PCDHGA12: variants seen among roughly 807,000 people sequenced by gnomAD.
The protein encoded by PCDHGA12 is protocadherin gamma subfamily A, 12.
A neutral mutation model predicts 61.1 loss-of-function variants in PCDHGA12; 43 were observed. The observed-to-expected ratio is 0.70, with a 90% CI of 0.55 to 0.91. The LOEUF (loss-of-function observed/expected upper bound fraction) is 0.91, where lower values mean the gene tolerates loss of function less well. Ranked by LOEUF, PCDHGA12 falls within the 40% of genes least tolerant of loss-of-function variation. The probability of loss-of-function intolerance (pLI) is 0.00; values close to 1 mark genes in which losing one functional copy is unlikely to be tolerated. For missense variants in PCDHGA12, 1,236 were observed against 1,227.7 expected, an observed-to-expected ratio of 1.01 and a Z score of -0.10; for synonymous variants, 520 against 542.9, an observed-to-expected ratio of 0.96 and a Z score of 0.59.
Position 141,486,567 on chromosome 5 carries a change from C to T in PCDHGA12, c.2425-8240C>T, listed in dbSNP as rs1562113360. On this transcript the variant is annotated intron_variant, in intron 1 of 3. Transcript: ENST00000252085. The surrounding 1 kb of genome is among the most constrained non-coding windows in gnomAD (Gnocchi z 5.0). ...CAGAGGTCACATGAGGTGTTTGTTCCTGAGAACAATCGCCCAGGGGACCTG... is the reference window on the plus strand; with the variant it reads ...CAGAGGTCACATGAGGTGTTTGTTCTTGAGAACAATCGCCCAGGGGACCTG... The T allele has an allele frequency of 6.2e-7, 1 of 1,613,918 alleles. No homozygotes were observed. The highest frequency in any genetic ancestry group is 8.5e-7 in the Non-Finnish European group (1 of 1,179,986).
In PCDHGA12 at chr5:141,491,561, A is replaced by G. The variant is rs1289732955; in HGVS notation, c.2425-3246A>G. ...CCCACAGACTCGCAGAGCCACTGCT[A>G]CAGGACGTGCTTTTCACCGGCCTCG... On this transcript the variant is annotated intron_variant, in intron 1 of 3. Transcript: ENST00000252085. The surrounding 1 kb of genome is among the most constrained non-coding windows in gnomAD (Gnocchi z 6.9). The G allele has an allele frequency of 6.2e-7, 1 of 1,613,938 alleles. No homozygotes were observed. Among genetic ancestry groups the G allele is most frequent in the Non-Finnish European group, 8.5e-7 (1 of 1,180,018 alleles).
intron 1 of PCDHGA12, among the ~76,000 whole-genome samples, chr5:141,445,778 T>G (rs1045010487): frequency 6.6e-6 from 1 of 152,190 alleles, no homozygotes; most frequent in East Asian, 1.9e-4. Context: ...TTAAAAGGGC[T>G]AGGGAGGCTA....
At position 141,490,938 on chromosome 5, in the gene PCDHGA12, C is replaced by T. The variant is rs2099706179; in HGVS notation, c.2425-3869C>T. ...ATGATAATGCCCCAGCTGTGCTGCA[C>T]CCACGGCCAGACTGGGAACACTCAG... On this transcript the variant is annotated intron_variant, in intron 1 of 3. Coordinates refer to ENST00000252085, the MANE Select transcript of PCDHGA12 (RefSeq NM_003735.3). This position sits in a 1 kb window ranked among gnomAD's most constrained non-coding sequence, Gnocchi z 5.4. 6.2e-7 allele frequency: 1 copy of T among 1,613,554 alleles called. No homozygotes were observed. Among genetic ancestry groups the T allele is most frequent in the African/African-American group, 1.3e-5 (1 of 74,934 alleles).
chr5:141,475,384 A>T (rs2099362853), intron 1 of PCDHGA12, among the ~76,000 whole-genome samples: 1 of 152,370 alleles, frequency 6.6e-6, no homozygotes, highest in East Asian at 1.9e-4. Flanking sequence ...TTTAAATTTT[A>T]TAAGCCAGAG....
At chr5:141,503,335 G>A (rs111643076) in intron 2 of PCDHGA12, among the ~76,000 whole-genome samples, 108 of 152,220 alleles carry the variant, frequency 7.1e-4, no homozygotes, top group African/African-American at 2.4e-3. Context: ...GGTGGCTCAC[G>A]CCTGTAATTC....
At chr5:141,448,999 GT>G (rs910018882) in intron 1 of PCDHGA12, among the ~76,000 whole-genome samples, 2 of 151,816 alleles carry the variant, frequency 1.3e-5, no homozygotes, top group African/African-American at 4.8e-5. Context: ...ATAGAAAGCT[GT>G]TTTTTTTAAC....
In PCDHGA12 at chr5:141,432,872, C is replaced by G; in HGVS notation, c.2113C>G (p.Leu705Val). 4 of 1,614,192 alleles carry G rather than the reference C, an allele frequency of 2.5e-6. No individual in the cohort carries two copies. The highest frequency in any genetic ancestry group is 3.4e-6 in the Non-Finnish European group (4 of 1,180,018). The part of the protein sequence containing the change: ...VAVAAVSCVF[L>V]AFVILLLALR... ...GGTGGCCGCGGTCTCCTGCGTCTTCCTGGCCTTCGTCATCTTGCTGCTGGC... is the reference window on the plus strand; with the variant it reads ...GGTGGCCGCGGTCTCCTGCGTCTTCGTGGCCTTCGTCATCTTGCTGCTGGC... Residue 705 changes from leucine to valine, a missense_variant, in exon 1 of 4, where the codon CTG becomes GTG. Coordinates refer to ENST00000252085, the MANE Select transcript of PCDHGA12 (RefSeq NM_003735.3). The surrounding 1 kb of genome is among the most constrained non-coding windows in gnomAD (Gnocchi z 6.0).
At chr5:141,478,924 T>C (rs1213046748) in intron 1 of PCDHGA12, 10 of 704,004 alleles carry the variant, frequency 1.4e-5, no homozygotes. Context: ...CTCTAACCAG[T>C]GGCAGCTTCT....
chr5:141,487,391 A>C lies in PCDHGA12; in HGVS notation c.2425-7416A>C. 1 of 1,614,090 alleles carries C rather than the reference A, an allele frequency of 6.2e-7. No homozygotes were observed. The highest frequency in any genetic ancestry group is 1.1e-5 in the South Asian group (1 of 91,078). ...TGCCTGTCTCACCAGATCTCGAAGG[A>C]GGGAGGGGCTTCCCCCTTCCAATGG... On this transcript the variant is annotated intron_variant, in intron 1 of 3. Transcript: ENST00000252085. The surrounding 1 kb of genome is among the most constrained non-coding windows in gnomAD (Gnocchi z 5.0).
chr5:141,486,644 T>G lies in PCDHGA12; in HGVS notation c.2425-8163T>G, dbSNP rs765487821. ...AGACTCTGGCTTGAATGCGCTTATC[T>G]CCTACTCACTCCTGGAGCCCAGGAA... On this transcript the variant is annotated intron_variant, in intron 1 of 3. Transcript: ENST00000252085. This position sits in a 1 kb window ranked among gnomAD's most constrained non-coding sequence, Gnocchi z 5.0. 9.3e-6 allele frequency: 15 copies of G among 1,613,722 alleles called. 2 individuals carry two copies. The Middle Eastern group carries it at 6.6e-4, about 71-fold the overall frequency.
At chr5:141,433,256 C>G (rs760130587) in intron 1 of PCDHGA12, 73 bp downstream of exon 1, 2 of 1,385,666 alleles carry the variant, frequency 1.4e-6, no homozygotes, top group Non-Finnish European at 2.0e-6. Context: ...TGCAGCGGTA[C>G]GATCATAGCT....
At position 141,477,284 on chromosome 5, in the gene PCDHGA12, G is replaced by A. The variant is rs751714522; in HGVS notation, c.2425-17523G>A. 5.0e-6 allele frequency: 8 copies of A among 1,614,150 alleles called. No homozygotes were observed. The South Asian group carries it at 6.6e-5, about 13-fold the overall frequency. ...TGGCGAGAACGGGCTGGTGACCTGC[G>A]AAGTTCCACCGGGTCTCCCTTTCAG... On this transcript the variant is annotated intron_variant, in intron 1 of 3. Transcript: ENST00000252085. This position sits in a 1 kb window ranked among gnomAD's most constrained non-coding sequence, Gnocchi z 4.9.
At chr5:141,510,785 C>G (rs951225541) in intron 3 of PCDHGA12, among the ~76,000 whole-genome samples, 162 bp from the exon 4 acceptor site, 1 of 152,150 alleles carries the variant, frequency 6.6e-6, no homozygotes, top group Non-Finnish European at 1.5e-5. Flanking sequence ...ACCCTCAACT[C>G]TTGTGAAGAG....
At chr5:141,500,469 AAAG>A (rs1479386829) in intron 2 of PCDHGA12, among the ~76,000 whole-genome samples, 1 of 152,052 alleles carries the variant, frequency 6.6e-6, no homozygotes, top group Non-Finnish European at 1.5e-5. Context: ...TCGGCCTCCC[AAAG>A]TGCTGGGATT....
intron 1 of PCDHGA12, chr5:141,441,810 C>T (rs2098275091): frequency 6.4e-5 from 24 of 372,574 alleles, no homozygotes; most frequent in Middle Eastern, 7.2e-4. Flanking sequence ...GGTGCTGTAC[C>T]CCAGCTCTGG....
chr5:141,495,005 C>A, intron 2 of PCDHGA12, 140 bp downstream of exon 2: 1 of 1,522,810 alleles, frequency 6.6e-7, no homozygotes. Context: ...TCTTGGTGTG[C>A]GGGGGGCTGG....
rs779792543 is a variant in PCDHGA12 at position 141,486,994 on chromosome 5, C to T, written c.2425-7813C>T. ...ATTCAGGTTACAATGCTTGGGTTTCCTATCAGCTCCTGGAGGCCCCAGATC... is the reference window on the plus strand; with the variant it reads ...ATTCAGGTTACAATGCTTGGGTTTCTTATCAGCTCCTGGAGGCCCCAGATC... On this transcript the variant is annotated intron_variant, in intron 1 of 3. Coordinates refer to ENST00000252085, the MANE Select transcript of PCDHGA12 (RefSeq NM_003735.3). This position sits in a 1 kb window ranked among gnomAD's most constrained non-coding sequence, Gnocchi z 5.0. The T allele has an allele frequency of 6.2e-7, 1 of 1,614,214 alleles. No individual in the cohort carries two copies. The highest frequency in any genetic ancestry group is 8.5e-7 in the Non-Finnish European group (1 of 1,180,034).
chr5:141,479,453 A>G (rs994349416), intron 1 of PCDHGA12: 1 of 152,266 alleles, frequency 6.6e-6, no homozygotes, highest in Non-Finnish European at 1.5e-5. Context: ...TAAGTTCAGC[A>G]TGAATACAGT....
In PCDHGA12 at chr5:141,486,049, C is replaced by T. The variant is rs766853468; in HGVS notation, c.2425-8758C>T. 1 of 1,614,206 alleles carries T rather than the reference C, an allele frequency of 6.2e-7. No homozygotes were observed. The highest frequency in any genetic ancestry group is 8.5e-7 in the Non-Finnish European group (1 of 1,180,034). ...ATACCCCTGATCGTGTAAGAAACCT[C>T]TTTAGCCTGCACCCCACTACTGGAA... On this transcript the variant is annotated intron_variant, in intron 1 of 3. Transcript: ENST00000252085. The surrounding 1 kb of genome is among the most constrained non-coding windows in gnomAD (Gnocchi z 5.0).
Sources: allele counts gnomAD v4.1 joint callset (sites outside exome capture counted in the v4.1 genomes callset), GRCh38; gene constraint gnomAD v4.1.1; non-coding constraint Gnocchi (gnomAD v3.1); transcripts MANE v1.5; gene names NCBI Gene and HGNC (gene_info 2026-07-23, HGNC 2026-07-21).